The following TXK variants were observed in gnomAD, a reference collection of about 807,000 sequenced individuals.
The protein encoded by TXK is tyrosine-protein kinase TXK.
Under a neutral mutation model 81.0 loss-of-function variants are expected in TXK, and 60 were observed. The observed-to-expected ratio is 0.74, with a 90% CI of 0.60 to 0.92. The LOEUF is 0.92. TXK is among the 40% of genes least tolerant of loss of function. TXK has a pLI of 0.00. For synonymous variants in TXK, 203 were observed against 210.7 expected (o/e 0.96, Z 0.32); for missense variants, 581 against 638.3 (o/e 0.91, Z 0.97).
intron 1 of TXK, among the ~76,000 whole-genome samples, chr4:48,118,127 A>G (rs561090665): frequency 1.1e-4 from 16 of 152,330 alleles, no homozygotes; most frequent in African/African-American, 3.6e-4. Flanking sequence ...GAATCGAGGT[A>G]GATCGGTGTC....
At chr4:48,116,903 G>A (rs558298507) in intron 1 of TXK, among the ~76,000 whole-genome samples, 1 of 152,142 alleles carries the variant, frequency 6.6e-6, no homozygotes, top group East Asian at 1.9e-4. Flanking sequence ...TTTTTTTTCA[G>A]ACAGAGTCTC....
intron 1 of TXK, among the ~76,000 whole-genome samples, chr4:48,122,901 G>A (rs1718993403): frequency 6.6e-6 from 1 of 152,220 alleles, no homozygotes; most frequent in Non-Finnish European, 1.5e-5. Flanking sequence ...AATAAAGGAA[G>A]ATAAGACCTT....
At chr4:48,082,733 A>G (rs542291042) in intron 10 of TXK, among the ~76,000 whole-genome samples, 2 of 152,270 alleles carry the variant, frequency 1.3e-5, no homozygotes, top group East Asian at 3.9e-4. Context: ...ACCCATACAA[A>G]TCGCAAACTC....
intron 6 of TXK, among the ~76,000 whole-genome samples, chr4:48,099,499 A>AT (rs1718106292): frequency 6.6e-6 from 1 of 152,286 alleles, no homozygotes; most frequent in Non-Finnish European, 1.5e-5. Context: ...ATGCCTGAAA[A>AT]TTTTTTTCCC....
At chr4:48,119,378 C>A (rs921131363) in intron 1 of TXK, among the ~76,000 whole-genome samples, 1 of 152,152 alleles carries the variant, frequency 6.6e-6, no homozygotes, top group Non-Finnish European at 1.5e-5. Flanking sequence ...CTGATTTGGA[C>A]GTCACCATTG....
chr4:48,071,948 T>G (rs1716875661), intron 13 of TXK, among the ~76,000 whole-genome samples: 1 of 91,570 alleles, frequency 1.1e-5, no homozygotes, highest in African/African-American at 3.3e-5. Context: ...CCAGTAGCAT[T>G]TTCTTTTCTT....
At chr4:48,122,289 C>T (rs565920385) in intron 1 of TXK, among the ~76,000 whole-genome samples, 1 of 152,328 alleles carries the variant, frequency 6.6e-6, no homozygotes, top group South Asian at 2.1e-4. Context: ...TCCTGCTCAC[C>T]TCACTCAGCC....
At chr4:48,089,102 G>A (rs1227937030) in intron 9 of TXK, among the ~76,000 whole-genome samples, 1 of 152,170 alleles carries the variant, frequency 6.6e-6, no homozygotes, top group African/African-American at 2.4e-5. Context: ...TTCTCTTGGA[G>A]AGGAATCATT....
chr4:48,126,204 A>T (rs1307188958), intron 1 of TXK, among the ~76,000 whole-genome samples: 2 of 152,170 alleles, frequency 1.3e-5, no homozygotes, highest in Non-Finnish European at 2.9e-5. Flanking sequence ...CCTCCTCTTC[A>T]TCATCCTTCT....
chr4:48,082,345 T>A (rs531472912), intron 10 of TXK, among the ~76,000 whole-genome samples: 1 of 152,320 alleles, frequency 6.6e-6, no homozygotes, highest in African/African-American at 2.4e-5. Flanking sequence ...ACAGACTCTT[T>A]AAGTCTACTA....
At position 48,075,742 on chromosome 4, in the gene TXK, C is replaced by T. The variant is rs551282493; in HGVS notation, c.1238+660G>A. Reference sequence around the variant, plus strand: ...TTGAATGGCCAGCCAAAGACAAGACCGGAGGATGGTGGCTGCAATGATGCC... The same window carrying T: ...TTGAATGGCCAGCCAAAGACAAGACTGGAGGATGGTGGCTGCAATGATGCC... On this transcript the variant is annotated intron_variant, in intron 12 of 14. Transcript: ENST00000264316. Among the ~76,000 whole-genome samples the T allele has an allele frequency of 2.7e-4, 41 of 152,136 alleles. 1 individual carries two copies. The highest frequency in any genetic ancestry group is 9.2e-4 in the African/African-American group (38 of 41,508).
intron 6 of TXK, among the ~76,000 whole-genome samples, chr4:48,102,631 C>A (rs765557318): frequency 6.6e-6 from 1 of 152,168 alleles, no homozygotes; most frequent in Non-Finnish European, 1.5e-5. Flanking sequence ...AATTCCATCT[C>A]GCCCTTGTGT....
intron 10 of TXK, among the ~76,000 whole-genome samples, chr4:48,085,204 G>A (rs895045290): frequency 6.6e-6 from 1 of 152,072 alleles, no homozygotes; most frequent in Non-Finnish European, 1.5e-5. Context: ...ATGCTGTCCC[G>A]GGAAATCACA....
chr4:48,092,456 T>C (rs1027577579), intron 8 of TXK, among the ~76,000 whole-genome samples: 7 of 152,048 alleles, frequency 4.6e-5, no homozygotes, highest in East Asian at 1.9e-4. Flanking sequence ...ACTGTCAATA[T>C]AGGGGCCACT....
rs1716602293 is a variant in TXK at position 48,066,431 on chromosome 4, G to GAT, written c.*1204_*1205dup. ...TAATACACATTTATTGAATGTCATT[G>GAT]ATATATAAAGATACCATTCTTTGAG... On this transcript the variant is annotated 3_prime_UTR_variant, in exon 15 of 15. Coordinates refer to ENST00000264316, the MANE Select transcript of TXK (RefSeq NM_003328.3). 1 of 152,118 alleles carries GAT rather than the reference G, an allele frequency of 6.6e-6. No individual in the cohort carries two copies. 9.4% of individuals were successfully genotyped at this position (152,118 alleles called of 1,614,324 possible).
rs548304489 is a variant in TXK at position 48,131,064 on chromosome 4, C to A, written c.16+3091G>T. ...CCCTTGCCCTGTCCTTTAAATAACT[C>A]TTCTAGGCTGGATCTGTTCTCAGGG... is the stretch of plus-strand genomic sequence containing the variant. On this transcript the variant is annotated intron_variant, in intron 1 of 14. Coordinates refer to ENST00000264316, the MANE Select transcript of TXK (RefSeq NM_003328.3). 5.3e-5 allele frequency among the ~76,000 whole-genome samples: 8 copies of A among 152,276 alleles called. No individual in the cohort carries two copies. In the South Asian group the frequency reaches 1.2e-3, roughly 24 times the overall value.
chr4:48,080,197 G>T (rs1717244688), intron 10 of TXK, 69 bp from the exon 11 acceptor site: 1 of 1,128,020 alleles, frequency 8.9e-7, no homozygotes, highest in Non-Finnish European at 1.3e-6. Context: ...AACATAACTG[G>T]TAGTATTTAC....
In TXK at chr4:48,133,695, A is replaced by T. The variant is rs148697616; in HGVS notation, c.16+460T>A. 6.9e-4 allele frequency among the ~76,000 whole-genome samples: 105 copies of T among 152,272 alleles called. 1 individual carries two copies. In the East Asian group the frequency reaches 0.011, roughly 16 times the overall value. On this transcript the variant is annotated intron_variant, in intron 1 of 14. Transcript: ENST00000264316. ...AGAGTATAAACACAGTTGTGTTTTG[A>T]CTTCTCTTCCTTTTGCCTTAAATAT...
intron 1 of TXK, among the ~76,000 whole-genome samples, chr4:48,126,483 T>TTGTG (rs1474712570): frequency 6.6e-6 from 1 of 151,782 alleles, no homozygotes; most frequent in Non-Finnish European, 1.5e-5. Flanking sequence ...GTCAACAACT[T>TTGTG]TGTGTGTGTG....
Sources: gnomAD v4.1 joint callset for allele counts (sites outside exome capture counted in the v4.1 genomes callset) on GRCh38, gnomAD v4.1.1 for gene constraint, MANE v1.5 for transcripts, NCBI Gene and HGNC (gene_info 2026-07-23, HGNC 2026-07-21) for gene names.